The following FGGY variants were observed in gnomAD, a reference collection of about 807,000 sequenced individuals.
FGGY encodes FGGY carbohydrate kinase domain containing.
FGGY carries 72 observed loss-of-function variants against 71.3 expected under a neutral mutation model. The ratio of observed to expected loss-of-function variants is 1.01; its 90% confidence interval spans 0.84 to 1.23. The LOEUF (loss-of-function observed/expected upper bound fraction) is 1.23, where lower values mean the gene tolerates loss of function less well. FGGY is among the 50% of genes most tolerant of loss of function. The pLI, the probability that FGGY is intolerant of heterozygous loss-of-function variation, is 0.00. For missense variants in FGGY, 668 were observed against 682.3 expected (o/e 0.98, Z 0.23); for synonymous variants, 251 against 250.3 (o/e 1.00, Z -0.02).
intron 8 of FGGY, among the ~76,000 whole-genome samples, chr1:59,600,863 T>C (rs749884079): frequency 2.6e-5 from 4 of 152,170 alleles, no homozygotes; most frequent in African/African-American, 4.8e-5. Context: ...AGATAAGATA[T>C]GGCTCCTCAC....
chr1:59,587,513 T>G (rs1410530654), intron 8 of FGGY, among the ~76,000 whole-genome samples: 1 of 152,168 alleles, frequency 6.6e-6, no homozygotes, highest in African/African-American at 2.4e-5. Context: ...CCCTGACCCC[T>G]GACCCCCAAG....
intron 5 of FGGY, among the ~76,000 whole-genome samples, chr1:59,425,071 A>ACCT (rs1459187171): frequency 6.6e-6 from 1 of 152,212 alleles, no homozygotes; most frequent in Admixed American, 6.5e-5. Flanking sequence ...CCATAAAATG[A>ACCT]AATCAATATT....
chr1:59,670,958 T>G (rs940234513), intron 13 of FGGY, among the ~76,000 whole-genome samples: 2 of 152,194 alleles, frequency 1.3e-5, no homozygotes, highest in African/African-American at 4.8e-5. Flanking sequence ...TTCTTCTAAG[T>G]TTTATTTTTT....
intron 5 of FGGY, among the ~76,000 whole-genome samples, chr1:59,429,560 C>T (rs1212665142): frequency 6.6e-6 from 1 of 152,142 alleles, no homozygotes; most frequent in Non-Finnish European, 1.5e-5. Flanking sequence ...AATTTACTGG[C>T]CAAGTTTGCT....
At chr1:59,575,121 T>C (rs981371671) in intron 8 of FGGY, among the ~76,000 whole-genome samples, 2 of 152,212 alleles carry the variant, frequency 1.3e-5, no homozygotes, top group African/African-American at 2.4e-5. Context: ...GGTGAGAACA[T>C]TTAAAATCTA....
At chr1:59,694,041 C>G (rs2097626665) in intron 14 of FGGY, among the ~76,000 whole-genome samples, 2 of 150,398 alleles carry the variant, frequency 1.3e-5, no homozygotes, top group Non-Finnish European at 3.0e-5. Context: ...GTGGCTCACG[C>G]CTGTAATCCC....
At chr1:59,494,195 A>G (rs1182929592) in intron 6 of FGGY, among the ~76,000 whole-genome samples, 3 of 152,240 alleles carry the variant, frequency 2.0e-5, no homozygotes, top group Non-Finnish European at 4.4e-5. Flanking sequence ...TGGAGAAACC[A>G]GACAGTAAGC....
At chr1:59,512,220 A>G in intron 6 of FGGY, 91 bp from the exon 7 acceptor site, 2 of 1,346,900 alleles carry the variant, frequency 1.5e-6, no homozygotes, top group Non-Finnish European at 2.0e-6. Flanking sequence ...AGGAGGGAGG[A>G]GAGAGCAAAG....
intron 8 of FGGY, among the ~76,000 whole-genome samples, chr1:59,567,213 T>G (rs1215757462): frequency 6.6e-6 from 1 of 152,174 alleles, no homozygotes; most frequent in Non-Finnish European, 1.5e-5. Flanking sequence ...TTTCCTTGAT[T>G]AACTGACCCT....
intron 4 of FGGY, among the ~76,000 whole-genome samples, chr1:59,377,211 T>C (rs1423964651): frequency 1.3e-5 from 2 of 152,092 alleles, no homozygotes; most frequent in Non-Finnish European, 2.9e-5. Flanking sequence ...ACAGAGCTTA[T>C]AGTCAGTCTG....
chr1:59,679,929 G>C (rs970278678), intron 14 of FGGY, among the ~76,000 whole-genome samples: 1 of 152,040 alleles, frequency 6.6e-6, no homozygotes, highest in African/African-American at 2.4e-5. Flanking sequence ...CTAAATGTTT[G>C]CACACATCCT....
At chr1:59,495,941 G>A (rs2094016401) in intron 6 of FGGY, among the ~76,000 whole-genome samples, 1 of 152,100 alleles carries the variant, frequency 6.6e-6, no homozygotes, top group Non-Finnish European at 1.5e-5. Flanking sequence ...TGTTCTTTGT[G>A]CTTAGGATTG....
chr1:59,639,595 A>G (rs1466545320), intron 11 of FGGY, among the ~76,000 whole-genome samples: 1 of 152,162 alleles, frequency 6.6e-6, no homozygotes, highest in Non-Finnish European at 1.5e-5. Context: ...TAGGGGAAGA[A>G]CACATTTCAT....
intron 14 of FGGY, chr1:59,698,952 C>G (rs973551596): frequency 1.0e-6 from 1 of 985,070 alleles, no homozygotes; most frequent in African/African-American, 1.7e-5. Context: ...TAATACATCC[C>G]CATTAATCAA....
chr1:59,376,514 G>A (rs1354336248), intron 4 of FGGY, among the ~76,000 whole-genome samples: 1 of 152,174 alleles, frequency 6.6e-6, no homozygotes, highest in Non-Finnish European at 1.5e-5. Context: ...AAGGCCAGTT[G>A]TATATAAAAT....
chr1:59,596,366 G>A (rs2096524909), intron 8 of FGGY, among the ~76,000 whole-genome samples: 2 of 151,080 alleles, frequency 1.3e-5, no homozygotes, highest in South Asian at 4.2e-4. Flanking sequence ...TTAGGGCATA[G>A]AAGGACCTGG....
intron 8 of FGGY, among the ~76,000 whole-genome samples, chr1:59,573,545 A>G (rs1341550522): frequency 2.0e-5 from 3 of 152,128 alleles, no homozygotes; most frequent in African/African-American, 7.2e-5. Flanking sequence ...AAACATTGGG[A>G]AAATCTAGGT....
Position 59,674,050 on chromosome 1 carries a change from G to T in FGGY, c.1429G>T (p.Val477Phe), listed in dbSNP as rs2097409141. 3.7e-6 allele frequency: 6 copies of T among 1,613,738 alleles called. No individual in the cohort carries two copies. In the East Asian group the frequency reaches 1.3e-4, roughly 36 times the overall value. Residue 477 changes from valine (V) to phenylalanine (F), a missense_variant, in exon 14 of 16, where the codon GTC becomes TTC. Val to Phe is a conservative substitution (Grantham distance 50, BLOSUM62 -1). Transcript: ENST00000303721. ...CTTGTCCTGCGCAGGCATGCCTGTGGTCCTGTCGCAAGAGGTGGAGTCCGT... is the reference window on the plus strand; with the variant it reads ...CTTGTCCTGCGCAGGCATGCCTGTGTTCCTGTCGCAAGAGGTGGAGTCCGT... ...MHADITGMPV[V>F]LSQEVESVLV...
intron 5 of FGGY, among the ~76,000 whole-genome samples, chr1:59,379,261 T>C (rs955641148): frequency 6.6e-5 from 10 of 151,956 alleles, no homozygotes; most frequent in African/African-American, 2.4e-4. Flanking sequence ...TCATTATTGT[T>C]GCAAACATCA....
Sources: gnomAD v4.1 joint callset for allele counts (sites outside exome capture counted in the v4.1 genomes callset) on GRCh38, gnomAD v4.1.1 for gene constraint, MANE v1.5 for transcripts, NCBI Gene and HGNC (gene_info 2026-07-23, HGNC 2026-07-21) for gene names.